The following CNTNAP2 variants were observed in gnomAD, a reference collection of about 807,000 sequenced individuals.
CNTNAP2 encodes the protein contactin associated protein 2.
A neutral mutation model predicts 155.2 loss-of-function variants in CNTNAP2; 98 were observed. The ratio of observed to expected loss-of-function variants is 0.63; its 90% CI spans 0.54 to 0.75. CNTNAP2 has a LOEUF of 0.75. CNTNAP2 is among the 30% of genes least tolerant of loss of function. CNTNAP2 has a pLI of 0.00. For missense variants in CNTNAP2, 1,727 were observed against 1,688.1 expected (o/e 1.02, Z -0.40); for synonymous variants, 651 against 631.2 (o/e 1.03, Z -0.47).
In CNTNAP2 at chr7:147,523,523, T is replaced by A. The variant is rs191283394; in HGVS notation, c.1777+37482T>A. 2.9e-3 allele frequency among the ~76,000 whole-genome samples: 435 copies of A among 152,278 alleles called. 1 individual carries two copies. The highest frequency in any genetic ancestry group is 9.7e-3 in the African/African-American group (402 of 41,548). On this transcript the variant is annotated intron_variant, in intron 11 of 23. Transcript: ENST00000361727. ...ATCACCGTAGAAGCTTTCCTACATA[T>A]CCTTCTTTCCTACCTTGTCTGGATA...
At chr7:147,974,073 A>T (rs1251040291) in intron 14 of CNTNAP2, among the ~76,000 whole-genome samples, 8 of 152,156 alleles carry the variant, frequency 5.3e-5, no homozygotes, top group South Asian at 4.1e-4. Flanking sequence ...AGTATTAAAA[A>T]TTTTTTTAAG....
At chr7:147,472,541 T>C (rs1431347755) in intron 10 of CNTNAP2, among the ~76,000 whole-genome samples, 1 of 151,992 alleles carries the variant, frequency 6.6e-6, no homozygotes, top group African/African-American at 2.4e-5. Flanking sequence ...TAGCGTGACA[T>C]GTGAAAGATC....
intron 13 of CNTNAP2, among the ~76,000 whole-genome samples, chr7:147,799,095 T>G (rs1797948329): frequency 6.6e-6 from 1 of 151,310 alleles, no homozygotes; most frequent in South Asian, 2.1e-4. Flanking sequence ...AGAAGGAGAG[T>G]TTCAGGCATG....
At chr7:146,492,560 T>A (rs700278) in intron 1 of CNTNAP2, among the ~76,000 whole-genome samples, 7 of 152,042 alleles carry the variant, frequency 4.6e-5, no homozygotes, top group East Asian at 1.9e-4. Context: ...GGCAGAATTC[T>A]AAAAGCAACT....
At chr7:147,534,839 C>T (rs1799511281) in intron 11 of CNTNAP2, among the ~76,000 whole-genome samples, 1 of 152,022 alleles carries the variant, frequency 6.6e-6, no homozygotes, top group African/African-American at 2.4e-5. Context: ...GACTTCTCGC[C>T]CTTACACTGA....
intron 10 of CNTNAP2, among the ~76,000 whole-genome samples, chr7:147,397,926 G>A (rs115077797): frequency 0.011 from 1,598 of 152,016 alleles, 26 homozygotes; most frequent in African/African-American, 0.036. Context: ...ACATCTCCAC[G>A]CATTTTCTAA....
At chr7:148,020,798 A>G (rs578137770) in intron 15 of CNTNAP2, among the ~76,000 whole-genome samples, 1 of 152,356 alleles carries the variant, frequency 6.6e-6, no homozygotes. Flanking sequence ...TGTAACACAC[A>G]ATGTGTTTGT....
At chr7:147,809,723 G>A (rs1462248697) in intron 13 of CNTNAP2, among the ~76,000 whole-genome samples, 3 of 152,126 alleles carry the variant, frequency 2.0e-5, no homozygotes, top group Non-Finnish European at 4.4e-5. Flanking sequence ...TTGTATTCTG[G>A]TGTGTTATGC....
At chr7:146,558,848 T>C (rs1226131149) in intron 1 of CNTNAP2, among the ~76,000 whole-genome samples, 1 of 152,238 alleles carries the variant, frequency 6.6e-6, no homozygotes, top group African/African-American at 2.4e-5. Context: ...TGGTACCATG[T>C]AGTATTTGTT....
chr7:148,136,484 C>T (rs1312420537), intron 16 of CNTNAP2, among the ~76,000 whole-genome samples: 1 of 152,130 alleles, frequency 6.6e-6, no homozygotes, highest in Non-Finnish European at 1.5e-5. Context: ...TTCTGAGGCC[C>T]TCTCTAGAAG....
chr7:146,877,790 C>A (rs1795460259), intron 3 of CNTNAP2, among the ~76,000 whole-genome samples: 1 of 151,850 alleles, frequency 6.6e-6, no homozygotes, highest in African/African-American at 2.4e-5. Context: ...CATGATGTCA[C>A]CTTCCATGAT....
chr7:147,565,584 G>C (rs1352353600), intron 12 of CNTNAP2, among the ~76,000 whole-genome samples: 1 of 152,132 alleles, frequency 6.6e-6, no homozygotes, highest in Non-Finnish European at 1.5e-5. Context: ...ATGGTTTAAA[G>C]TGATGAGAAA....
At chr7:146,470,124 C>A (rs1026308825) in intron 1 of CNTNAP2, among the ~76,000 whole-genome samples, 8 of 152,148 alleles carry the variant, frequency 5.3e-5, no homozygotes, top group African/African-American at 1.9e-4. Context: ...CAGGCGTGAG[C>A]CACTGCGCGC....
intron 1 of CNTNAP2, among the ~76,000 whole-genome samples, chr7:146,487,144 C>T (rs1797069794): frequency 6.6e-6 from 1 of 152,070 alleles, no homozygotes; most frequent in Admixed American, 6.6e-5. Flanking sequence ...TGAAATAAGT[C>T]ATTGATTCAT....
chr7:147,080,443 CTTAATAA>C (rs1800099775), intron 4 of CNTNAP2, among the ~76,000 whole-genome samples: 1 of 151,794 alleles, frequency 6.6e-6, no homozygotes, highest in Non-Finnish European at 1.5e-5. Flanking sequence ...AGTGAAGAGA[CTTAATAA>C]TTAATAATTA....
At position 146,510,392 on chromosome 7, in the gene CNTNAP2, G is replaced by C. The variant is rs538727653; in HGVS notation, c.98-263879G>C. ...TATTCATTACAATTACTAGGGCTTT[G>C]TAGTATACTTTGAGGTCAGGTAGTG... is the stretch of plus-strand genomic sequence containing the variant. On this transcript the variant is annotated intron_variant, in intron 1 of 23. Coordinates refer to ENST00000361727, the MANE Select transcript of CNTNAP2 (RefSeq NM_014141.6). Among the ~76,000 whole-genome samples, 8 of 152,292 alleles carry C rather than the reference G, an allele frequency of 5.3e-5. No homozygotes were observed. In the East Asian group the frequency reaches 1.5e-3, roughly 29 times the overall value.
chr7:147,706,157 CCTT>C (rs1226200347), intron 13 of CNTNAP2, among the ~76,000 whole-genome samples: 1 of 150,166 alleles, frequency 6.7e-6, no homozygotes, highest in Non-Finnish European at 1.5e-5. Context: ...TTATAGAAAA[CCTT>C]CTGTAGTGGT....
At chr7:147,826,620 T>G (rs1284567390) in intron 13 of CNTNAP2, among the ~76,000 whole-genome samples, 4 of 152,206 alleles carry the variant, frequency 2.6e-5, no homozygotes, top group Admixed American at 1.3e-4. Flanking sequence ...ACCCCAGGTT[T>G]TTTCTAATAT....
intron 15 of CNTNAP2, among the ~76,000 whole-genome samples, chr7:148,117,755 G>A (rs991672626): frequency 1.3e-5 from 2 of 151,562 alleles, no homozygotes; most frequent in African/African-American, 4.8e-5. Context: ...TCCTTGGTAG[G>A]AACCCCAACT....
Sources: gnomAD v4.1 joint callset for allele counts (sites outside exome capture counted in the v4.1 genomes callset) on GRCh38, gnomAD v4.1.1 for gene constraint, MANE v1.5 for transcripts, NCBI Gene and HGNC (gene_info 2026-07-23, HGNC 2026-07-21) for gene names.